MAPKBP1: variants seen among roughly 807,000 people sequenced by gnomAD.
MAPKBP1 encodes mitogen-activated protein kinase-binding protein 1.
A neutral mutation model predicts 170.5 loss-of-function variants in MAPKBP1; 71 were observed. The observed-to-expected ratio is 0.42, with a 90% confidence interval of 0.34 to 0.51. The LOEUF (loss-of-function observed/expected upper bound fraction) is 0.51, where lower values mean the gene tolerates loss of function less well. Ranked by LOEUF, MAPKBP1 falls within the 20% of genes least tolerant of loss-of-function variation. The pLI is 0.06. For synonymous variants in MAPKBP1, 719 were observed against 757.9 expected, an observed-to-expected ratio of 0.95 and a Z score of 0.84; for missense variants, 1,598 against 1,933.0, an observed-to-expected ratio of 0.83 and a Z score of 3.25.
In MAPKBP1 at chr15:41,820,890, G is replaced by A. The variant is rs763621497; in HGVS notation, c.2540G>A (p.Arg847Lys). The stretch of plus-strand genomic sequence containing the variant: ...CCTGCAGCCAACCCAGGACCCAGAA[G>A]AAGAGGGCGCTGGGTTCAGCCAGGT... Reference protein sequence around the residue: ...PAPAANPGPRRRGRWVQPGVE... With the variant: ...PAPAANPGPRKRGRWVQPGVE... The change falls in exon 23 of 31, where the codon AGA becomes AAA. Residue 847 changes from arginine to lysine, a missense_variant. Physicochemically the swap from Arg to Lys is conservative, Grantham distance 26. Coordinates refer to ENST00000457542, the MANE Select transcript of MAPKBP1 (RefSeq NM_014994.3). The A allele has an allele frequency of 1.9e-6, 3 of 1,614,160 alleles. No individual in the cohort carries two copies. Among genetic ancestry groups the A allele is most frequent in the East Asian group, 2.2e-5 (1 of 44,888 alleles).
In MAPKBP1 at chr15:41,810,828, G is replaced by C; in HGVS notation, c.207-55G>C. 3.2e-6 allele frequency: 5 copies of C among 1,547,062 alleles called. No individual in the cohort carries two copies. The South Asian group carries it at 5.6e-5, about 17-fold the overall frequency. ...CTGGAAGTCCTGGGTGGCCTGGAGG[G>C]CTCCTGGGGGAGCTGTGGTTTGCTG... On this transcript the variant is annotated intron_variant, in intron 3 of 30. Transcript: ENST00000457542.
rs776866309 is a variant in MAPKBP1 at position 41,819,492 on chromosome 15, C to T, written c.2426-103C>T. On this transcript the variant is annotated intron_variant, in intron 21 of 30. Coordinates refer to ENST00000457542, the MANE Select transcript of MAPKBP1 (RefSeq NM_014994.3). ...GTGTGAGCTGAGGAAACTGAGGCAT[C>T]ACTGTGGCCACACAGGGTATGGGCT... 5.8e-6 allele frequency: 9 copies of T among 1,546,574 alleles called. No homozygotes were observed. The African/African-American group carries it at 1.1e-4, about 19-fold the overall frequency.
At chr15:41,814,061 G>A (rs900757690) in intron 9 of MAPKBP1, among the ~76,000 whole-genome samples, 15 of 152,214 alleles carry the variant, frequency 9.9e-5, no homozygotes, top group African/African-American at 3.4e-4. Context: ...AGGGATTGAA[G>A]TATTCTGGTT....
At chr15:41,821,461 TACTC>T (rs2064993760) in intron 23 of MAPKBP1, 119 bp from the exon 24 acceptor site, 5 of 879,980 alleles carry the variant, frequency 5.7e-6, no homozygotes, top group African/African-American at 1.7e-5. Flanking sequence ...ACCGCATCCT[TACTC>T]ACCTCCACCT....
chr15:41,819,557 G>GCC, intron 21 of MAPKBP1, 38 bp from the exon 22 acceptor site: 1 of 1,384,558 alleles, frequency 7.2e-7, no homozygotes, highest in Non-Finnish European at 1.0e-6. Context: ...CGGGGGGGGG[G>GCC]CAGGAGACAC....
intron 3 of MAPKBP1, among the ~76,000 whole-genome samples, chr15:41,807,731 T>C (rs748094070): frequency 8.5e-5 from 13 of 152,278 alleles, no homozygotes; most frequent in Non-Finnish European, 1.8e-4. Context: ...CTGCATAAAG[T>C]ATTAAAACCT....
chr15:41,818,638 G>A lies in MAPKBP1; in HGVS notation c.2156+56G>A, dbSNP rs952903425. 6.4e-7 allele frequency: 1 copy of A among 1,552,912 alleles called. No homozygotes were observed. The highest frequency in any genetic ancestry group is 1.4e-5 in the African/African-American group (1 of 73,460). On this transcript the variant is annotated intron_variant, in intron 19 of 30. Transcript: ENST00000457542. The surrounding 1 kb of genome is among the most constrained non-coding windows in gnomAD (Gnocchi z 5.2). Reference sequence around the variant, plus strand: ...GATTCTTACTCTGCCACAGCACCCTGCCCTCCCCTCTCTCCATTTCAGTGA... The same window carrying A: ...GATTCTTACTCTGCCACAGCACCCTACCCTCCCCTCTCTCCATTTCAGTGA...
chr15:41,823,338 T>C, intron 28 of MAPKBP1, 109 bp from the exon 29 acceptor site: 1 of 1,542,310 alleles, frequency 6.5e-7, no homozygotes, highest in South Asian at 1.2e-5. Flanking sequence ...CCACTAGGTG[T>C]CCCTTAATGG....
intron 21 of MAPKBP1, 48 bp from the exon 22 acceptor site, chr15:41,819,547 C>CGGGGG (rs3034893): frequency 0.031 from 36,217 of 1,165,418 alleles, 214 homozygotes; most frequent in Non-Finnish European, 0.034. Flanking sequence ...GGTTGGGTGG[C>CGGGGG]GGGGGGGGGG....
chr15:41,824,684 T>G (rs1432748069), intron 30 of MAPKBP1, 115 bp downstream of exon 30: 1 of 1,035,684 alleles, frequency 9.7e-7, no homozygotes, highest in Non-Finnish European at 1.4e-6. Context: ...GATGGCACAC[T>G]CAAGAACATC....
chr15:41,804,972 T>G (rs907637898), intron 3 of MAPKBP1, among the ~76,000 whole-genome samples: 1 of 152,218 alleles, frequency 6.6e-6, no homozygotes, highest in Admixed American at 6.5e-5. Context: ...CCTCCTTGTC[T>G]CCCTGCTTTT....
intron 2 of MAPKBP1, among the ~76,000 whole-genome samples, chr15:41,785,461 T>C (rs948148922): frequency 6.6e-6 from 1 of 152,082 alleles, no homozygotes; most frequent in African/African-American, 2.4e-5. Flanking sequence ...TAGAGGGGAG[T>C]CCTAATTTTT....
At chr15:41,813,479 T>G in intron 8 of MAPKBP1, 142 bp from the exon 9 acceptor site, 3 of 1,413,670 alleles carry the variant, frequency 2.1e-6, no homozygotes, top group Non-Finnish European at 3.0e-6. Context: ...GCTGAGGGGC[T>G]CAGAACAGGG....
chr15:41,811,014 C>T, intron 4 of MAPKBP1, 69 bp downstream of exon 4: 1 of 1,586,672 alleles, frequency 6.3e-7, no homozygotes, highest in Non-Finnish European at 8.7e-7. Flanking sequence ...TGTCTAGAGT[C>T]TCTATGGCTC....
chr15:41,810,232 T>C (rs1279231630), intron 3 of MAPKBP1, among the ~76,000 whole-genome samples: 1 of 152,144 alleles, frequency 6.6e-6, no homozygotes, highest in African/African-American at 2.4e-5. Flanking sequence ...CTACACCCCT[T>C]CCTGGGGTAT....
In MAPKBP1 at chr15:41,814,038, T is replaced by C. The variant is rs528717095; in HGVS notation, c.980+257T>C. On this transcript the variant is annotated intron_variant, in intron 9 of 30. Coordinates refer to ENST00000457542, the MANE Select transcript of MAPKBP1 (RefSeq NM_014994.3). The stretch of plus-strand genomic sequence containing the variant: ...GATTTGGGTTTGCGTTGGGTGATTT[T>C]AGGAATCGTTCAAGGGATTGAAGTA... 4.9e-4 allele frequency among the ~76,000 whole-genome samples: 75 copies of C among 152,328 alleles called. 1 individual carries two copies. Among genetic ancestry groups the C allele is most frequent in the African/African-American group, 1.7e-3 (72 of 41,566 alleles).
chr15:41,776,550 C>G (rs2064101299), intron 2 of MAPKBP1, among the ~76,000 whole-genome samples: 1 of 152,218 alleles, frequency 6.6e-6, no homozygotes, highest in Non-Finnish European at 1.5e-5. Flanking sequence ...ATCATTGTTT[C>G]TATTCTCCTG....
At chr15:41,786,090 A>G (rs2064281752) in intron 2 of MAPKBP1, among the ~76,000 whole-genome samples, 1 of 152,176 alleles carries the variant, frequency 6.6e-6, no homozygotes. Flanking sequence ...AGAGTATACA[A>G]GATATCTTGA....
chr15:41,804,040 A>T (rs1462507338), intron 3 of MAPKBP1, among the ~76,000 whole-genome samples: 2 of 152,252 alleles, frequency 1.3e-5, no homozygotes, highest in East Asian at 3.9e-4. Context: ...GGGTTTCTCC[A>T]TGTTGGTCAG....
Sources: allele counts gnomAD v4.1 joint callset (sites outside exome capture counted in the v4.1 genomes callset), GRCh38; gene constraint gnomAD v4.1.1; non-coding constraint Gnocchi (gnomAD v3.1); transcripts MANE v1.5; gene names NCBI Gene and HGNC (gene_info 2026-07-23, HGNC 2026-07-21).